Variants in LARP1 observed in about 807,000 individuals in gnomAD.
LARP1 encodes the protein la-related protein 1.
Under a neutral mutation model 122.7 loss-of-function variants are expected in LARP1, and 36 were observed. That is an observed-to-expected ratio of 0.29 (90% CI 0.22 to 0.39). The LOEUF (loss-of-function observed/expected upper bound fraction) is 0.39, where lower values mean the gene tolerates loss of function less well. LARP1 is among the 10% of genes least tolerant of loss of function. The pLI, the probability that LARP1 is intolerant of heterozygous loss-of-function variation, is 1.00. For synonymous variants in LARP1, 539 were observed against 528.7 expected (o/e 1.02, Z -0.27); for missense variants, 1,040 against 1,403.6 (o/e 0.74, Z 4.14).
At chr5:154,699,664 A>G (rs992732473) in intron 1 of LARP1, among the ~76,000 whole-genome samples, 9 of 152,322 alleles carry the variant, frequency 5.9e-5, no homozygotes, top group Admixed American at 3.9e-4. Context: ...TAGGGATCTT[A>G]GAGACCATTG....
intron 1 of LARP1, among the ~76,000 whole-genome samples, chr5:154,726,979 TACC>T (rs1439267974): frequency 2.0e-5 from 3 of 152,238 alleles, no homozygotes; most frequent in African/African-American, 7.2e-5. Context: ...CACTTACCTC[TACC>T]TGGTCGTGCC....
intron 1 of LARP1, among the ~76,000 whole-genome samples, chr5:154,734,292 G>C (rs1026313874): frequency 5.3e-5 from 8 of 152,068 alleles, no homozygotes; most frequent in African/African-American, 1.9e-4. Context: ...TATTAGCATT[G>C]ATTTCAAATT....
At chr5:154,739,993 G>A (rs1449692501) in intron 1 of LARP1, among the ~76,000 whole-genome samples, 1 of 151,330 alleles carries the variant, frequency 6.6e-6, no homozygotes, top group African/African-American at 2.4e-5. Flanking sequence ...GAGGCCAGGA[G>A]TTGGAGACCA....
chr5:154,702,991 C>T (rs1251779068), intron 1 of LARP1, among the ~76,000 whole-genome samples: 2 of 151,826 alleles, frequency 1.3e-5, no homozygotes, highest in Non-Finnish European at 2.9e-5. Flanking sequence ...CGTGGTGGCG[C>T]GTGCCTGCAG....
upstream of LARP1, among the ~76,000 whole-genome samples, chr5:154,712,731 G>A (rs1284100218): frequency 2.6e-5 from 4 of 152,092 alleles, no homozygotes; most frequent in East Asian, 3.9e-4. Flanking sequence ...TGTGCTCCCC[G>A]CTAAGGTAAA....
intron 1 of LARP1, among the ~76,000 whole-genome samples, chr5:154,699,474 G>A (rs1428491064): frequency 7.1e-6 from 1 of 140,056 alleles, no homozygotes; most frequent in Non-Finnish European, 1.5e-5. Context: ...GGGCAACATA[G>A]CAAGACCCCT....
upstream of LARP1, among the ~76,000 whole-genome samples, chr5:154,754,178 A>T (rs930186358): frequency 6.6e-6 from 1 of 152,216 alleles, no homozygotes; most frequent in African/African-American, 2.4e-5. Flanking sequence ...TTGTCTTCAT[A>T]GATACTAGAC....
intron 1 of LARP1, among the ~76,000 whole-genome samples, chr5:154,683,347 T>C (rs1322485279): frequency 6.6e-6 from 1 of 152,238 alleles, no homozygotes; most frequent in African/African-American, 2.4e-5. Context: ...CACAGTGTTG[T>C]GTTTGTTTGT....
intron 1 of LARP1, among the ~76,000 whole-genome samples, chr5:154,702,423 G>T (rs749641657): frequency 7.9e-5 from 12 of 152,120 alleles, no homozygotes; most frequent in Non-Finnish European, 1.6e-4. Flanking sequence ...GGGCGTGGTG[G>T]TGGGCACCTG....
intron 1 of LARP1, among the ~76,000 whole-genome samples, chr5:154,770,279 C>CT (rs1184069931): frequency 6.6e-6 from 1 of 151,292 alleles, no homozygotes; most frequent in Non-Finnish European, 1.5e-5. Flanking sequence ...GACTAGACCA[C>CT]TTAAAGAGGA....
intron 1 of LARP1, among the ~76,000 whole-genome samples, chr5:154,787,385 C>T (rs376571775): frequency 6.6e-6 from 1 of 152,156 alleles, no homozygotes; most frequent in Non-Finnish European, 1.5e-5. Flanking sequence ...CCAGCTGAAC[C>T]TGTATATTCT....
chr5:154,778,057 C>T (rs993674603), intron 1 of LARP1, among the ~76,000 whole-genome samples: 10 of 151,982 alleles, frequency 6.6e-5, no homozygotes, highest in Admixed American at 1.3e-4. Flanking sequence ...TTCAGGAGAT[C>T]GAGACCATCC....
At chr5:154,799,832 G>T in intron 9 of LARP1, 41 bp from the exon 10 acceptor site, 3 of 1,610,560 alleles carry the variant, frequency 1.9e-6, no homozygotes, top group Non-Finnish European at 2.5e-6. Context: ...GCATCAGGAG[G>T]AGGACTGGAG....
At chr5:154,773,252 G>A (rs955820276) in intron 1 of LARP1, among the ~76,000 whole-genome samples, 3 of 152,058 alleles carry the variant, frequency 2.0e-5, no homozygotes, top group African/African-American at 4.8e-5. Context: ...CTATGGCTAG[G>A]GGGGCAGGGA....
In LARP1 at chr5:154,793,815, C is replaced by T. The variant is rs777094271; in HGVS notation, c.884C>T (p.Thr295Ile). The change falls in exon 6 of 19, where the codon ACC (threonine) becomes ATC (isoleucine). Residue 295 changes from threonine to isoleucine, a missense_variant. By Grantham distance (89) the Thr-to-Ile change is moderately conservative. Coordinates refer to ENST00000518297, the MANE Select transcript of LARP1 (RefSeq NM_033551.3). The stretch of plus-strand genomic sequence containing the variant: ...CTCCCCATAGGGTCTGAGTCTGCCA[C>T]CTACGTGCCCGTGGCCCCCCCCACC... ...RGEIKGSESA[T>I]YVPVAPPTPA... The T allele has an allele frequency of 7.4e-6, 12 of 1,614,040 alleles. No homozygotes were observed. Among genetic ancestry groups the T allele is most frequent in the East Asian group, 2.2e-5 (1 of 44,880 alleles).
chr5:154,814,001 A>G lies in LARP1; in HGVS notation c.3196A>G (p.Ile1066Val). 6.2e-7 allele frequency: 1 copy of G among 1,614,076 alleles called. No individual in the cohort carries two copies. The change falls in exon 19 of 19, where the codon ATC becomes GTC. Residue 1066 changes from isoleucine (I) to valine (V), a missense_variant. By Grantham distance (29) the Ile-to-Val change is conservative. This residue lies in a region of LARP1 where 129 missense variants were observed against 160.8 expected (regional missense o/e 0.80). Transcript: ENST00000518297. Reference sequence around the variant, plus strand: ...GTCTTCCAGCAGGCCTGCTGCCATGATCAGCCAACCCCCTACACCACCCAC... The same window carrying G: ...GTCTTCCAGCAGGCCTGCTGCCATGGTCAGCCAACCCCCTACACCACCCAC... ...SQSSSRPAAMISQPPTPPTGQ... is the reference protein window; with the variant it reads ...SQSSSRPAAMVSQPPTPPTGQ...
intron 1 of LARP1, among the ~76,000 whole-genome samples, chr5:154,732,198 A>C (rs6872857): frequency 5.5e-4 from 73 of 133,544 alleles, no homozygotes; most frequent in African/African-American, 7.6e-4. Context: ...ACAAAAAAAA[A>C]AAAAAAAGAA....
intron 8 of LARP1, 79 bp from the exon 9 acceptor site, chr5:154,799,512 A>T: frequency 6.7e-7 from 1 of 1,497,194 alleles, no homozygotes; most frequent in East Asian, 2.3e-5. Context: ...GCTCAGGGGA[A>T]CCCAGTTGTC....
rs1455982060 is a variant in LARP1 at position 154,755,427 on chromosome 5, C to CG, written c.-324dup. On this transcript the variant is annotated 5_prime_UTR_variant, in exon 1 of 19. Transcript: ENST00000518297. ...CGGGAAGCCCGGGCCGCCCCGGGGG[C>CG]GGGGGGGAGGGAGGGACGGGACTAG... 3.5e-5 allele frequency: 16 copies of CG among 457,822 alleles called. No individual in the cohort carries two copies. Among genetic ancestry groups the CG allele is most frequent in the South Asian group, 1.9e-4 (2 of 10,618 alleles). 28.4% of individuals were successfully genotyped at this position (457,822 alleles called of 1,614,324 possible). A position where few individuals can be genotyped will look rare whatever the true frequency, so the allele number is the denominator to read the frequency against.
Sources: gnomAD v4.1 joint callset for allele counts (sites outside exome capture counted in the v4.1 genomes callset) on GRCh38, gnomAD v4.1.1 for gene constraint, gnomAD v4.1.1 regional missense constraint, MANE v1.5 for transcripts, NCBI Gene and HGNC (gene_info 2026-07-23, HGNC 2026-07-21) for gene names.